The following SNTG2 variants were observed in gnomAD, a reference collection of about 807,000 sequenced individuals.
The protein encoded by SNTG2 is gamma-2-syntrophin.
SNTG2 carries 74 observed loss-of-function variants against 70.9 expected under a neutral mutation model. The ratio of observed to expected loss-of-function variants is 1.04; its 90% CI spans 0.86 to 1.27. The LOEUF (loss-of-function observed/expected upper bound fraction) is 1.27. Ranked by LOEUF, SNTG2 falls within the 50% of genes most tolerant of loss-of-function variation. The pLI, the probability that SNTG2 is intolerant of heterozygous loss-of-function variation, is 0.00. For synonymous variants in SNTG2, 278 were observed against 273.8 expected (o/e 1.02, Z -0.15); for missense variants, 717 against 690.7 (o/e 1.04, Z -0.43).
intron 16 of SNTG2, among the ~76,000 whole-genome samples, chr2:1,333,776 C>CA: frequency 6.6e-6 from 1 of 152,254 alleles, no homozygotes; most frequent in South Asian, 2.1e-4. Context: ...TCACCTTATA[C>CA]AAAAATCAAC....
At chr2:1,233,359 G>A (rs2148084445) in intron 9 of SNTG2, among the ~76,000 whole-genome samples, 1 of 152,312 alleles carries the variant, frequency 6.6e-6, no homozygotes, top group East Asian at 1.9e-4. Context: ...TGAAACAGAT[G>A]ATTTGAAAAA....
intron 1 of SNTG2, among the ~76,000 whole-genome samples, chr2:1,021,620 A>G (rs1316626551): frequency 3.4e-5 from 5 of 148,416 alleles, no homozygotes; most frequent in African/African-American, 7.5e-5. Context: ...CTTTTGCTTT[A>G]GGGCCAGAGT....
chr2:1,266,765 T>TTTTTTTC (rs1205925490), intron 13 of SNTG2, among the ~76,000 whole-genome samples: 1 of 149,034 alleles, frequency 6.7e-6, no homozygotes, highest in African/African-American at 2.5e-5. Flanking sequence ...TTTTTTTTTT[T>TTTTTTTC]CTTGAGACAG....
intron 1 of SNTG2, among the ~76,000 whole-genome samples, chr2:1,040,225 C>A (rs948916688): frequency 6.6e-6 from 1 of 152,180 alleles, no homozygotes; most frequent in African/African-American, 2.4e-5. Flanking sequence ...TTCCTGCACC[C>A]CACGCCAGTG....
chr2:1,246,982 C>G (rs1475626540), intron 11 of SNTG2, among the ~76,000 whole-genome samples: 1 of 152,126 alleles, frequency 6.6e-6, no homozygotes, highest in Non-Finnish European at 1.5e-5. Context: ...TTTACTACCT[C>G]ATAGAAAAAT....
chr2:1,177,462 G>A (rs1291328978), intron 8 of SNTG2, among the ~76,000 whole-genome samples: 1 of 150,740 alleles, frequency 6.6e-6, no homozygotes, highest in Non-Finnish European at 1.5e-5. Context: ...TGCACATCCT[G>A]CAGATGTACT....
At chr2:1,028,367 C>T (rs1393546256) in intron 1 of SNTG2, among the ~76,000 whole-genome samples, 2 of 152,248 alleles carry the variant, frequency 1.3e-5, no homozygotes, top group East Asian at 3.8e-4. Context: ...ACATCCTACG[C>T]TTACTGAACC....
intron 1 of SNTG2, among the ~76,000 whole-genome samples, chr2:1,041,748 C>T (rs1208733738): frequency 6.6e-6 from 1 of 152,204 alleles, no homozygotes; most frequent in Non-Finnish European, 1.5e-5. Flanking sequence ...CCTACACAGC[C>T]TGCAGATCTG....
intron 14 of SNTG2, among the ~76,000 whole-genome samples, chr2:1,276,555 C>T (rs953900425): frequency 2.6e-5 from 4 of 152,172 alleles, no homozygotes; most frequent in African/African-American, 9.7e-5. Flanking sequence ...AAAAAGATTC[C>T]TTTCAAAATA....
intron 1 of SNTG2, among the ~76,000 whole-genome samples, chr2:1,078,509 G>A (rs1465177820): frequency 1.3e-5 from 2 of 152,100 alleles, no homozygotes; most frequent in African/African-American, 4.8e-5. Flanking sequence ...AGGGCAGGTG[G>A]ATGGGCCCCA....
intron 16 of SNTG2, among the ~76,000 whole-genome samples, chr2:1,347,920 G>A (rs962326253): frequency 6.6e-6 from 1 of 151,906 alleles, no homozygotes; most frequent in African/African-American, 2.4e-5. Flanking sequence ...CAATCAATCA[G>A]TAGCTTATGG....
At chr2:1,050,458 C>T (rs1661992827) in intron 1 of SNTG2, among the ~76,000 whole-genome samples, 1 of 151,732 alleles carries the variant, frequency 6.6e-6, no homozygotes, top group South Asian at 2.1e-4. Flanking sequence ...CCACATTTAT[C>T]ACAAATGTGG....
chr2:1,224,622 G>C (rs144722122), intron 9 of SNTG2, among the ~76,000 whole-genome samples: 2 of 152,188 alleles, frequency 1.3e-5, no homozygotes, highest in African/African-American at 4.8e-5. Context: ...CAGAACCCTC[G>C]GCGGCATCTG....
At chr2:1,262,640 A>G (rs1332472254) in intron 13 of SNTG2, among the ~76,000 whole-genome samples, 1 of 152,104 alleles carries the variant, frequency 6.6e-6, no homozygotes, top group Non-Finnish European at 1.5e-5. Flanking sequence ...CCAAAGGCTC[A>G]GTCCAGACGT....
chr2:1,020,420 T>C (rs769857645), intron 1 of SNTG2, among the ~76,000 whole-genome samples: 2 of 152,184 alleles, frequency 1.3e-5, no homozygotes, highest in African/African-American at 2.4e-5. Flanking sequence ...CAGGCCACGG[T>C]GGAGCCTCAG....
intron 8 of SNTG2, among the ~76,000 whole-genome samples, chr2:1,198,587 A>G (rs1217905784): frequency 6.6e-6 from 1 of 152,160 alleles, no homozygotes; most frequent in Non-Finnish European, 1.5e-5. Flanking sequence ...AGAATTAAAT[A>G]GAGACTAAAA....
chr2:976,746 C>G (rs771801046), intron 1 of SNTG2, among the ~76,000 whole-genome samples: 40 of 152,196 alleles, frequency 2.6e-4, no homozygotes, highest in Non-Finnish European at 4.1e-4. Flanking sequence ...GTCCTCTGCC[C>G]CTCTGAGCTC....
At chr2:1,336,496 G>A (rs776938706) in intron 16 of SNTG2, among the ~76,000 whole-genome samples, 19 of 152,004 alleles carry the variant, frequency 1.2e-4, no homozygotes, top group South Asian at 2.1e-4. Context: ...TGCTTTCATC[G>A]CTTATGCCTT....
intron 4 of SNTG2, among the ~76,000 whole-genome samples, chr2:1,115,046 G>A (rs1411184703): frequency 1.3e-5 from 2 of 151,600 alleles, no homozygotes; most frequent in African/African-American, 4.8e-5. Context: ...AACGCTTACA[G>A]TCCTTTGAGA....
Sources: allele counts gnomAD v4.1 joint callset (sites outside exome capture counted in the v4.1 genomes callset), GRCh38; gene constraint gnomAD v4.1.1; transcripts MANE v1.5; gene names NCBI Gene and HGNC (gene_info 2026-07-23, HGNC 2026-07-21).